HID1: variants seen among roughly 807,000 people sequenced by gnomAD.
The protein encoded by HID1 is protein HID1.
In HID1, 42 loss-of-function variants were observed where a neutral mutation model predicts 89.7. The observed-to-expected ratio is 0.47, with a 90% CI of 0.37 to 0.61. The LOEUF is 0.61. Ranked by LOEUF, HID1 falls within the 20% of genes least tolerant of loss-of-function variation. The pLI is 0.00. For missense variants in HID1, 854 were observed against 1,039.3 expected (o/e 0.82, Z 2.45); for synonymous variants, 442 against 433.8 (o/e 1.02, Z -0.24).
In HID1 at chr17:74,972,345, A is replaced by C. The variant is rs1466441985; in HGVS notation, c.66+246T>G. ...CGGGGAGTAGGCACACGTCAGCCTA[A>C]GGTGGCAGCAGCGGCTTCGGGGAGA... On this transcript the variant is annotated intron_variant, in intron 1 of 18. Transcript: ENST00000425042. The surrounding 1 kb of genome is among the most constrained non-coding windows in gnomAD (Gnocchi z 6.4). 1.3e-5 allele frequency among the ~76,000 whole-genome samples: 2 copies of C among 152,066 alleles called. No individual in the cohort carries two copies. The highest frequency in any genetic ancestry group is 2.9e-5 in the Non-Finnish European group (2 of 67,982).
chr17:74,951,877 G>A (rs2039305710), intron 18 of HID1, 28 bp downstream of exon 18: 1 of 1,489,110 alleles, frequency 6.7e-7, no homozygotes, highest in Non-Finnish European at 9.0e-7. Context: ...GCTCTCAGGT[G>A]GACACCACCC....
chr17:74,968,176 T>G (rs1413091996), intron 1 of HID1, among the ~76,000 whole-genome samples: 1 of 152,150 alleles, frequency 6.6e-6, no homozygotes, highest in Non-Finnish European at 1.5e-5. Flanking sequence ...GCCCCAGGCT[T>G]GCTTGCTCCC....
At position 74,952,335 on chromosome 17, in the gene HID1, G is replaced by C; in HGVS notation, c.2078C>G (p.Pro693Arg). The C allele has an allele frequency of 1.2e-6, 2 of 1,613,808 alleles. No homozygotes were observed. The highest frequency in any genetic ancestry group is 1.3e-5 in the African/African-American group (1 of 75,024). ...CAGCAGCCTCATGATGGTCTGCAGC[G>C]GCAGCTTCGACTTCCAGGAGAGGAC... The part of the protein sequence containing the change: ...EWVLSWKSKL[P>R]LQTIMRLLQV... Residue 693 changes from proline (P) to arginine (R), a missense_variant, in exon 17 of 19, where the codon CCG becomes CGG. Pro to Arg is a moderately radical substitution (Grantham distance 103). Transcript: ENST00000425042.
At chr17:74,968,132 C>CT in intron 1 of HID1, among the ~76,000 whole-genome samples, 1 of 152,136 alleles carries the variant, frequency 6.6e-6, no homozygotes, top group South Asian at 2.1e-4. Context: ...TAATTCTGGT[C>CT]TCTGAAGCTA....
chr17:74,953,124 C>T (rs748489484), intron 15 of HID1, 38 bp from the exon 16 acceptor site: 10 of 1,376,350 alleles, frequency 7.3e-6, no homozygotes, highest in South Asian at 1.2e-5. Flanking sequence ...GGGATGGTGG[C>T]GGTGGGTGAG....
Position 74,951,157 on chromosome 17 carries a change from C to G in HID1, c.*413G>C. The G allele has an allele frequency of 5.4e-6, 1 of 185,966 alleles. No homozygotes were observed. Among genetic ancestry groups the G allele is most frequent in the Non-Finnish European group, 1.1e-5 (1 of 90,326 alleles). 11.5% of individuals were successfully genotyped at this position (185,966 alleles called of 1,614,324 possible). ...TAGGAGGCTGGAAGCACCCCCTTAC[C>G]CTGTCCAGGCACCTCAAGGGACAGC... On this transcript the variant is annotated 3_prime_UTR_variant, in exon 19 of 19. Coordinates refer to ENST00000425042, the MANE Select transcript of HID1 (RefSeq NM_030630.3).
chr17:74,967,383 C>T (rs1346000868), intron 1 of HID1, among the ~76,000 whole-genome samples: 1 of 149,494 alleles, frequency 6.7e-6, no homozygotes, highest in African/African-American at 2.5e-5. Flanking sequence ...ACTAAAAATA[C>T]AAAAATTAGC....
rs184167342 is a variant in HID1, at chr17:74,965,301, G to C, written c.67-669C>G. 4.9e-3 allele frequency among the ~76,000 whole-genome samples: 739 copies of C among 152,334 alleles called. 23 individuals are homozygous for C. Among genetic ancestry groups the C allele is most frequent in the Admixed American group, 0.039 (595 of 15,310 alleles). On this transcript the variant is annotated intron_variant, in intron 1 of 18. Transcript: ENST00000425042. Reference sequence around the variant, plus strand: ...AACGCATGCACCGAGGTGGCATCCTGCATGCACCACGGCACCGCTGCCACA... The same window carrying C: ...AACGCATGCACCGAGGTGGCATCCTCCATGCACCACGGCACCGCTGCCACA...
rs368434395 is a variant in HID1, at chr17:74,970,912, G to A, written c.66+1679C>T. 714 of 152,926 alleles carry A rather than the reference G, an allele frequency of 4.7e-3. 3 individuals are homozygous for A. The highest frequency in any genetic ancestry group is 8.5e-3 in the Non-Finnish European group (585 of 68,574). 9.5% of individuals were successfully genotyped at this position (152,926 alleles called of 1,614,324 possible). ...CTCCCCCCGGGCAGCCCAGGCCCCC[G>A]TCCGCCTACAGGACCCAGTGCTCTC... On this transcript the variant is annotated intron_variant, in intron 1 of 18. Transcript: ENST00000425042.
chr17:74,959,823 C>T lies in HID1; in HGVS notation c.1008+58G>A. On this transcript the variant is annotated intron_variant, in intron 8 of 18. Coordinates refer to ENST00000425042, the MANE Select transcript of HID1 (RefSeq NM_030630.3). This position sits in a 1 kb window ranked among gnomAD's most constrained non-coding sequence, Gnocchi z 4.6. ...ATGGAGGGGTCAGGATCCCCCATATCCCTGTCTCACTTGCATCCCCCTGCA... is the reference window on the plus strand; with the variant it reads ...ATGGAGGGGTCAGGATCCCCCATATTCCTGTCTCACTTGCATCCCCCTGCA... 1 of 1,566,058 alleles carries T rather than the reference C, an allele frequency of 6.4e-7. No homozygotes were observed. Among genetic ancestry groups the T allele is most frequent in the Non-Finnish European group, 8.8e-7 (1 of 1,137,714 alleles).
intron 15 of HID1, 48 bp downstream of exon 15, chr17:74,953,497 G>C: frequency 6.6e-7 from 1 of 1,504,498 alleles, no homozygotes. Context: ...GACCAGGGAG[G>C]AAGGGAAGGG....
At chr17:74,952,092 C>T in intron 17 of HID1, 29 bp from the exon 18 acceptor site, 1 of 1,552,662 alleles carries the variant, frequency 6.4e-7, no homozygotes, top group Non-Finnish European at 8.7e-7. Context: ...CTCCAGCACA[C>T]TCACGTGGTC....
At chr17:74,954,489 A>T (rs991154038) in intron 13 of HID1, 124 bp from the exon 14 acceptor site, 16 of 1,510,036 alleles carry the variant, frequency 1.1e-5, no homozygotes, top group Non-Finnish European at 1.4e-5. Flanking sequence ...GGGGTTGGAG[A>T]TGGTACAGGG....
chr17:74,970,900 G>C (rs1443757146), intron 1 of HID1: 1 of 152,804 alleles, frequency 6.5e-6, no homozygotes, highest in Admixed American at 6.6e-5. Context: ...CCCCCGGGCA[G>C]CCCAGGCCCC....
chr17:74,955,772 G>A lies in HID1; in HGVS notation c.1636+20C>T. 6.2e-7 allele frequency: 1 copy of A among 1,612,268 alleles called. No individual in the cohort carries two copies. Among genetic ancestry groups the A allele is most frequent in the South Asian group, 1.1e-5 (1 of 90,920 alleles). The stretch of plus-strand genomic sequence containing the variant: ...CCCGCTGGCCACCCTGACCACCAGG[G>A]CCTCAGGCTGGTGCCTCACCATCAA... On this transcript the variant is annotated intron_variant, in intron 13 of 18. Transcript: ENST00000425042.
At chr17:74,960,278 G>C in intron 6 of HID1, 30 bp from the exon 7 acceptor site, 1 of 1,573,416 alleles carries the variant, frequency 6.4e-7, no homozygotes, top group Non-Finnish European at 8.6e-7. Context: ...AGGCTGCAGA[G>C]GCTGCACTGG....
chr17:74,952,052 TC>T lies in HID1; in HGVS notation c.2155del (p.Asp719MetfsTer49). The T allele has an allele frequency of 2.6e-6, 4 of 1,557,190 alleles. No homozygotes were observed. Among genetic ancestry groups the T allele is most frequent in the Non-Finnish European group, 3.5e-6 (4 of 1,150,162 alleles). On this transcript the variant is annotated frameshift_variant, in exon 18 of 19. Transcript: ENST00000425042. LOFTEE classifies it high-confidence loss of function. ...EKICIDKGLT[D>X]ESEILRFLQH... The stretch of plus-strand genomic sequence containing the variant: ...CAGGAACCGCAGGATCTCAGACTCA[TC>T]CGTCAGGCCCCTGCGGGGAGAGGGG...
At chr17:74,969,121 C>T (rs952651213) in intron 1 of HID1, among the ~76,000 whole-genome samples, 25 of 151,866 alleles carry the variant, frequency 1.6e-4, no homozygotes, top group Admixed American at 1.1e-3. Flanking sequence ...ATGGGAGAAA[C>T]GTGGCTCAGC....
At position 74,959,106 on chromosome 17, in the gene HID1, T is replaced by G. The variant is rs2039440491; in HGVS notation, c.1009-55A>C. 2 of 1,477,820 alleles carry G rather than the reference T, an allele frequency of 1.4e-6. No individual in the cohort carries two copies. The highest frequency in any genetic ancestry group is 5.5e-5 in the Admixed American group (2 of 36,650). The allele number at this position is 1,477,820 out of a possible 1,614,324, so 91.5% of individuals were successfully genotyped here. ...TCCAGCCCAATCCCTGCAGCTCCAG[T>G]TTCCCAGCCCAGGCCCCCAACAAAT... On this transcript the variant is annotated intron_variant, in intron 8 of 18. Transcript: ENST00000425042. The surrounding 1 kb of genome is among the most constrained non-coding windows in gnomAD (Gnocchi z 4.6).
Sources: gnomAD v4.1 joint callset for allele counts (sites outside exome capture counted in the v4.1 genomes callset) on GRCh38, gnomAD v4.1.1 for gene constraint, Gnocchi (gnomAD v3.1) non-coding constraint, MANE v1.5 for transcripts, NCBI Gene and HGNC (gene_info 2026-07-23, HGNC 2026-07-21) for gene names.